The following MAP2K4 variants were observed in gnomAD, a reference collection of about 807,000 sequenced individuals.
The protein encoded by MAP2K4 is mitogen-activated protein kinase kinase 4.
In MAP2K4, 4 loss-of-function variants were observed where a neutral mutation model predicts 48.5. The observed-to-expected ratio is 0.08, with a 90% CI of 0.04 to 0.19. MAP2K4 has a LOEUF of 0.19. MAP2K4 is among the 10% of genes least tolerant of loss of function. MAP2K4 has a pLI of 1.00. For synonymous variants in MAP2K4, 166 were observed against 173.1 expected, an observed-to-expected ratio of 0.96 and a Z score of 0.32; for missense variants, 258 against 493.3, an observed-to-expected ratio of 0.52 and a Z score of 4.52.
At chr17:12,106,057 A>C (rs1360085088) in intron 4 of MAP2K4, among the ~76,000 whole-genome samples, 1 of 152,152 alleles carries the variant, frequency 6.6e-6, no homozygotes, top group African/African-American at 2.4e-5. Flanking sequence ...GCCCAAGCTT[A>C]TATAAGTAGA....
intron 4 of MAP2K4, among the ~76,000 whole-genome samples, chr17:12,104,653 C>A (rs1248585046): frequency 6.6e-6 from 1 of 151,842 alleles, no homozygotes; most frequent in Non-Finnish European, 1.5e-5. Flanking sequence ...GGATACTGAT[C>A]TTTTGTTTCT....
At chr17:12,125,573 G>A (rs1972828255) in intron 8 of MAP2K4, among the ~76,000 whole-genome samples, 1 of 151,916 alleles carries the variant, frequency 6.6e-6, no homozygotes, top group South Asian at 2.1e-4. Context: ...GAAGTTATGT[G>A]AAGTGTCTAG....
chr17:12,111,303 T>C (rs1017132448), intron 6 of MAP2K4, among the ~76,000 whole-genome samples: 2 of 152,228 alleles, frequency 1.3e-5, no homozygotes, highest in Non-Finnish European at 2.9e-5. Flanking sequence ...TGTTTGTGGT[T>C]GACACTAGGC....
intron 9 of MAP2K4, among the ~76,000 whole-genome samples, chr17:12,139,133 T>C (rs1011067911): frequency 6.6e-6 from 1 of 152,188 alleles, no homozygotes; most frequent in Non-Finnish European, 1.5e-5. Flanking sequence ...TCATGTTTGA[T>C]AGTAAAATAT....
At chr17:12,112,332 G>A (rs192467815) in intron 6 of MAP2K4, among the ~76,000 whole-genome samples, 198 of 152,040 alleles carry the variant, frequency 1.3e-3, no homozygotes, top group African/African-American at 4.4e-3. Context: ...GTGTGGTGGC[G>A]CATGCCTGTA....
At chr17:12,094,835 C>T (rs1470181460) in intron 3 of MAP2K4, among the ~76,000 whole-genome samples, 3 of 152,076 alleles carry the variant, frequency 2.0e-5, no homozygotes, top group East Asian at 3.9e-4. Flanking sequence ...TATGGAGGAG[C>T]GCTTTAGCAC....
chr17:12,109,576 G>A (rs1329229852), intron 5 of MAP2K4, among the ~76,000 whole-genome samples: 5 of 152,100 alleles, frequency 3.3e-5, no homozygotes, highest in Non-Finnish European at 7.4e-5. Context: ...GAAGAAATGT[G>A]TAATTTTCTG....
At chr17:12,108,559 A>AG (rs1972203358) in intron 5 of MAP2K4, among the ~76,000 whole-genome samples, 2 of 126,244 alleles carry the variant, frequency 1.6e-5, no homozygotes, top group Non-Finnish European at 3.5e-5. Context: ...CTGAATCTTA[A>AG]TTTTTTTTCC....
chr17:12,077,503 G>A (rs1282099900), intron 2 of MAP2K4, among the ~76,000 whole-genome samples: 1 of 152,174 alleles, frequency 6.6e-6, no homozygotes, highest in Non-Finnish European at 1.5e-5. Flanking sequence ...GGCTAGGGTT[G>A]GTGTAGTAGC....
chr17:12,104,546 A>T (rs1027972036), intron 4 of MAP2K4, among the ~76,000 whole-genome samples: 1 of 152,026 alleles, frequency 6.6e-6, no homozygotes, highest in African/African-American at 2.4e-5. Flanking sequence ...AATTTTTTAC[A>T]TGTATTTAGG....
At chr17:12,091,480 A>G (rs1052469371) in intron 3 of MAP2K4, among the ~76,000 whole-genome samples, 4 of 152,124 alleles carry the variant, frequency 2.6e-5, no homozygotes, top group Non-Finnish European at 5.9e-5. Context: ...TCCATACAGA[A>G]CTCCCAACAA....
chr17:12,021,083 C>A, intron 1 of MAP2K4, 82 bp downstream of exon 1: 1 of 847,220 alleles, frequency 1.2e-6, no homozygotes, highest in South Asian at 5.9e-5. Flanking sequence ...CGGACGCCCC[C>A]GGACCCGGCT....
intron 1 of MAP2K4, among the ~76,000 whole-genome samples, chr17:12,051,136 A>T (rs928493822): frequency 3.9e-5 from 6 of 152,310 alleles, no homozygotes; most frequent in African/African-American, 1.2e-4. Context: ...GCCAGCTGCA[A>T]TTCTAATTTT....
chr17:12,123,109 C>T (rs998222613), intron 7 of MAP2K4, among the ~76,000 whole-genome samples: 6 of 152,086 alleles, frequency 3.9e-5, no homozygotes, highest in African/African-American at 1.4e-4. Flanking sequence ...TTTCAAAAAT[C>T]GTTATGCTGG....
chr17:12,056,708 T>C (rs1434661464), intron 2 of MAP2K4, among the ~76,000 whole-genome samples: 1 of 152,078 alleles, frequency 6.6e-6, no homozygotes, highest in African/African-American at 2.4e-5. Context: ...GATAACTGTT[T>C]TATTACTTAG....
At chr17:12,113,384 TTGCTTGATAGTCATTGCACAGAGAGCCTG>T in intron 7 of MAP2K4, 24 bp downstream of exon 7, 1 of 1,610,312 alleles carries the variant, frequency 6.2e-7, no homozygotes, top group Non-Finnish European at 8.5e-7. Flanking sequence ...CCAGGCCTTC[TTGCTTGATAGTCATTGCACAGAGAGCCTG>T]TGCTCTTTTG....
At chr17:12,068,468 A>G (rs1454936737) in intron 2 of MAP2K4, among the ~76,000 whole-genome samples, 1 of 152,202 alleles carries the variant, frequency 6.6e-6, no homozygotes, top group Non-Finnish European at 1.5e-5. Flanking sequence ...ATAGTATTAA[A>G]TTGATGACAG....
In MAP2K4 at chr17:12,059,249, C is replaced by T. The variant is rs567180435; in HGVS notation, c.218+4258C>T. 2.1e-3 allele frequency among the ~76,000 whole-genome samples: 322 copies of T among 152,212 alleles called. 2 individuals carry two copies. Among genetic ancestry groups the T allele is most frequent in the Non-Finnish European group, 3.6e-3 (244 of 68,002 alleles). ...AAAGCAAAGGAAAAATGTGTGGCTACCTTTTAAATTTTCATCAGGTTTGGA... is the reference window on the plus strand; with the variant it reads ...AAAGCAAAGGAAAAATGTGTGGCTATCTTTTAAATTTTCATCAGGTTTGGA... On this transcript the variant is annotated intron_variant, in intron 2 of 10. Coordinates refer to ENST00000353533, the MANE Select transcript of MAP2K4 (RefSeq NM_003010.4).
intron 2 of MAP2K4, among the ~76,000 whole-genome samples, chr17:12,074,499 T>C (rs1454091393): frequency 6.6e-6 from 1 of 152,216 alleles, no homozygotes; most frequent in Non-Finnish European, 1.5e-5. Flanking sequence ...AACTACTTTA[T>C]TGGTTTCCAA....
Sources: gnomAD v4.1 joint callset for allele counts (sites outside exome capture counted in the v4.1 genomes callset) on GRCh38, gnomAD v4.1.1 for gene constraint, MANE v1.5 for transcripts, NCBI Gene and HGNC (gene_info 2026-07-23, HGNC 2026-07-21) for gene names.